The following NCOA2 variants were observed in gnomAD, a reference collection of about 807,000 sequenced individuals.
NCOA2 encodes the protein nuclear receptor coactivator 2.
NCOA2 carries 21 observed loss-of-function variants against 145.1 expected under a neutral mutation model. The observed-to-expected ratio is 0.14, with a 90% CI of 0.10 to 0.21. The LOEUF (loss-of-function observed/expected upper bound fraction) is 0.21. NCOA2 is among the 10% of genes least tolerant of loss of function. NCOA2 has a pLI of 1.00. For missense variants in NCOA2, 1,472 were observed against 1,837.6 expected (o/e 0.80, Z 3.64); for synonymous variants, 619 against 637.5 (o/e 0.97, Z 0.44).
In NCOA2 at chr8:70,170,191, C is replaced by A. The variant is rs1241039720; in HGVS notation, c.541+11G>T. On this transcript the variant is annotated intron_variant, in intron 6 of 22. Transcript: ENST00000452400. The stretch of plus-strand genomic sequence containing the variant: ...ACGGGAGGTAGGGAGGGAGACCCAG[C>A]AGACATTTACCTATAGACTTTGGCA... 5 of 1,611,804 alleles carry A rather than the reference C, an allele frequency of 3.1e-6. No homozygotes were observed. The South Asian group carries it at 5.5e-5, about 18-fold the overall frequency.
At chr8:70,237,959 T>C (rs547823392) in intron 2 of NCOA2, among the ~76,000 whole-genome samples, 1 of 152,302 alleles carries the variant, frequency 6.6e-6, no homozygotes, top group East Asian at 1.9e-4. Flanking sequence ...CAGGGGATTT[T>C]AGGTGATTGC....
intron 4 of NCOA2, among the ~76,000 whole-genome samples, chr8:70,181,768 G>T (rs1019507057): frequency 6.6e-6 from 1 of 152,150 alleles, no homozygotes; most frequent in Non-Finnish European, 1.5e-5. Context: ...CAACAAATTT[G>T]AAGATTCTAA....
At chr8:70,358,693 T>C (rs997897347) in intron 1 of NCOA2, among the ~76,000 whole-genome samples, 1 of 152,226 alleles carries the variant, frequency 6.6e-6, no homozygotes, top group Non-Finnish European at 1.5e-5. Context: ...CTTTACAACC[T>C]TGACTTGGCA....
chr8:70,399,214 A>T (rs1442800789), intron 1 of NCOA2, among the ~76,000 whole-genome samples: 3 of 152,250 alleles, frequency 2.0e-5, no homozygotes, highest in African/African-American at 7.2e-5. Context: ...GTAATATGAC[A>T]TATTCTTTTT....
chr8:70,315,903 G>A (rs756068710), intron 1 of NCOA2, among the ~76,000 whole-genome samples: 1 of 152,192 alleles, frequency 6.6e-6, no homozygotes, highest in African/African-American at 2.4e-5. Flanking sequence ...GGACTGAATT[G>A]AGCCCTAATC....
chr8:70,144,980 G>T, intron 12 of NCOA2, 132 bp from the exon 13 acceptor site: 1 of 743,784 alleles, frequency 1.3e-6, no homozygotes, highest in Non-Finnish European at 2.2e-6. Context: ...CTAGATAAAA[G>T]ACAAAATCAC....
At chr8:70,428,240 G>A in the NCOA2 span, among the ~76,000 whole-genome samples, 1 of 151,324 alleles carries the variant, frequency 6.6e-6, no homozygotes, top group South Asian at 2.1e-4. Flanking sequence ...GACTGCTTGA[G>A]TTCAGGAGTT....
At chr8:70,303,934 C>T (rs539054777) in intron 1 of NCOA2, among the ~76,000 whole-genome samples, 2 of 152,210 alleles carry the variant, frequency 1.3e-5, no homozygotes, top group East Asian at 3.9e-4. Flanking sequence ...GGCCCCAACA[C>T]ACTATAAGTA....
Position 70,141,292 on chromosome 8 carries a change from G to A in NCOA2, c.2920C>T (p.Arg974Trp), listed in dbSNP as rs769038578. 11 of 1,613,762 alleles carry A rather than the reference G, an allele frequency of 6.8e-6. No individual in the cohort carries two copies. The highest frequency in any genetic ancestry group is 4.0e-5 in the African/African-American group (3 of 74,920). ...CGAATCATACCTCCTTGGACTGGCC[G>A]GTTCATGGCACTGGTGGTAGCAGCA... ...TCAATTSAMN[R>W]PVQGGMIRNP... The change falls in exon 14 of 23, where the codon CGG (arginine) becomes TGG (tryptophan). Residue 974 changes from arginine to tryptophan, a missense_variant. Physicochemically the swap from Arg to Trp is moderately radical, Grantham distance 101 (BLOSUM62 -3). Coordinates refer to ENST00000452400, the MANE Select transcript of NCOA2 (RefSeq NM_006540.4).
chr8:70,168,694 T>C (rs1813902722), intron 6 of NCOA2, among the ~76,000 whole-genome samples: 1 of 152,200 alleles, frequency 6.6e-6, no homozygotes, highest in African/African-American at 2.4e-5. Flanking sequence ...GAAAAAGAGT[T>C]CTTATTAAGT....
chr8:70,298,293 G>A (rs982592279), intron 1 of NCOA2, among the ~76,000 whole-genome samples: 1 of 152,180 alleles, frequency 6.6e-6, no homozygotes, highest in Non-Finnish European at 1.5e-5. Context: ...AAGGTCTACA[G>A]GGGAGAGAAA....
At chr8:70,244,631 A>G (rs1022269205) in intron 2 of NCOA2, among the ~76,000 whole-genome samples, 5 of 152,174 alleles carry the variant, frequency 3.3e-5, no homozygotes, top group African/African-American at 1.2e-4. Flanking sequence ...GATAAAAAGT[A>G]TAAAGGTAGA....
intron 3 of NCOA2, 56 bp downstream of exon 3, chr8:70,216,604 G>T: frequency 7.4e-7 from 1 of 1,346,488 alleles, no homozygotes; most frequent in Non-Finnish European, 1.1e-6. Flanking sequence ...TAACAAAGAA[G>T]CACTCATGTG....
chr8:70,141,829 T>C (rs1810471924), intron 13 of NCOA2, among the ~76,000 whole-genome samples: 1 of 152,196 alleles, frequency 6.6e-6, no homozygotes, highest in Non-Finnish European at 1.5e-5. Flanking sequence ...ATAGAAGATA[T>C]CTTGAAGTCT....
chr8:70,124,622 T>C (rs1808200030), intron 20 of NCOA2, 66 bp downstream of exon 20: 2 of 1,464,094 alleles, frequency 1.4e-6, no homozygotes, highest in South Asian at 1.4e-5. Context: ...GGTGCAGGCA[T>C]GAAGGTGGGG....
the NCOA2 span, among the ~76,000 whole-genome samples, chr8:70,432,046 G>A: frequency 2.0e-5 from 3 of 152,180 alleles, no homozygotes; most frequent in African/African-American, 4.8e-5. Flanking sequence ...AATTAGGGAG[G>A]ACATAAAAGT....
intron 18 of NCOA2, among the ~76,000 whole-genome samples, chr8:70,127,991 G>T (rs1379666223): frequency 6.6e-6 from 1 of 152,196 alleles, no homozygotes; most frequent in African/African-American, 2.4e-5. Flanking sequence ...GCAAGAGGCG[G>T]TGATGTGCCT....
intron 1 of NCOA2, among the ~76,000 whole-genome samples, chr8:70,376,089 T>A (rs1246150544): frequency 6.6e-6 from 1 of 152,186 alleles, no homozygotes; most frequent in Non-Finnish European, 1.5e-5. Context: ...CTGAGAGTCG[T>A]TATTCCGTAA....
At chr8:70,167,745 T>C (rs770517807) in intron 6 of NCOA2, among the ~76,000 whole-genome samples, 2 of 152,140 alleles carry the variant, frequency 1.3e-5, no homozygotes, top group Admixed American at 6.5e-5. Context: ...TATTTAAGAA[T>C]GAGACAATGA....
Sources: allele counts gnomAD v4.1 joint callset (sites outside exome capture counted in the v4.1 genomes callset), GRCh38; gene constraint gnomAD v4.1.1; transcripts MANE v1.5; gene names NCBI Gene and HGNC (gene_info 2026-07-23, HGNC 2026-07-21).